POLR3E: variants seen among roughly 807,000 people sequenced by gnomAD.
The protein encoded by POLR3E is RNA polymerase III subunit E.
A neutral mutation model predicts 96.6 loss-of-function variants in POLR3E; 41 were observed. The observed-to-expected ratio is 0.42, with a 90% CI of 0.33 to 0.55. POLR3E has a LOEUF of 0.55. POLR3E is among the 20% of genes least tolerant of loss of function. POLR3E has a pLI of 0.06. For missense variants in POLR3E, 849 were observed against 952.1 expected (o/e 0.89, Z 1.43); for synonymous variants, 396 against 383.6 (o/e 1.03, Z -0.38).
At chr16:22,332,278 A>C in intron 20 of POLR3E, 93 bp downstream of exon 20, 1 of 1,185,312 alleles carries the variant, frequency 8.4e-7, no homozygotes, top group Non-Finnish European at 1.2e-6. Context: ...GTGTATATGA[A>C]ATCAGGCTTC....
chr16:22,314,191 G>T, intron 8 of POLR3E, 63 bp downstream of exon 8: 1 of 1,313,068 alleles, frequency 7.6e-7, no homozygotes, highest in South Asian at 1.2e-5. Flanking sequence ...AGAGACCAAG[G>T]GGTAGCGGGT....
chr16:22,324,099 G>A (rs1029316228), intron 14 of POLR3E, among the ~76,000 whole-genome samples: 38 of 152,128 alleles, frequency 2.5e-4, no homozygotes, highest in Admixed American at 1.9e-3. Flanking sequence ...CCCAGGGAGC[G>A]CTGTGGTCTA....
In POLR3E at chr16:22,300,522, A is replaced by G. The variant is rs535265871; in HGVS notation, c.-38-2409A>G. Among the ~76,000 whole-genome samples, 4 of 152,210 alleles carry G rather than the reference A, an allele frequency of 2.6e-5. No homozygotes were observed. In the East Asian group the frequency reaches 7.7e-4, roughly 29 times the overall value. On this transcript the variant is annotated intron_variant, in intron 1 of 20. Coordinates refer to ENST00000299853, the MANE Select transcript of POLR3E (RefSeq NM_018119.4). ...AAGAAAGAACAATTGCGTCTTGGGAACCTCCCAGGCCCCAGCCTCTCAGTT... is the reference window on the plus strand; with the variant it reads ...AAGAAAGAACAATTGCGTCTTGGGAGCCTCCCAGGCCCCAGCCTCTCAGTT...
rs146010793 is a variant in POLR3E, at chr16:22,321,994, C to T, written c.987-856C>T. Among the ~76,000 whole-genome samples the T allele has an allele frequency of 1.4e-3, 211 of 152,316 alleles. 1 individual carries two copies. Among genetic ancestry groups the T allele is most frequent in the Non-Finnish European group, 2.5e-3 (171 of 68,024 alleles). On this transcript the variant is annotated intron_variant, in intron 13 of 20. Transcript: ENST00000299853. ...ATTCAGACACTGCCCCTGGGGATGG[C>T]GGCTGTTACATTTGAGCTCCCTGAA...
intron 19 of POLR3E, 123 bp downstream of exon 19, chr16:22,328,710 GT>G (rs1370352121): frequency 1.3e-6 from 1 of 770,846 alleles, no homozygotes; most frequent in African/African-American, 1.7e-5. Context: ...GGCACACTCG[GT>G]TTTAAATATC....
rs527761933 is a variant in POLR3E at position 22,322,646 on chromosome 16, G to A, written c.987-204G>A. 1.4e-4 allele frequency among the ~76,000 whole-genome samples: 22 copies of A among 152,238 alleles called. No homozygotes were observed. The highest frequency in any genetic ancestry group is 2.5e-4 in the Non-Finnish European group (17 of 68,002). On this transcript the variant is annotated intron_variant, in intron 13 of 20. Coordinates refer to ENST00000299853, the MANE Select transcript of POLR3E (RefSeq NM_018119.4). This position sits in a 1 kb window ranked among gnomAD's most constrained non-coding sequence, Gnocchi z 5.2. ...GCGGGTTGAGGGGTAATAAGAGGAA[G>A]AACTGGGGGGATGTGTGGGGTAGAG...
Position 22,309,388 on chromosome 16 carries a change from G to A in POLR3E, c.282-40G>A, listed in dbSNP as rs747393629. On this transcript the variant is annotated intron_variant, in intron 5 of 20. Coordinates refer to ENST00000299853, the MANE Select transcript of POLR3E (RefSeq NM_018119.4). ...CTGTGGCCACAGGCCCTGGCTCGGA[G>A]CTGCCTTCCCCTGTGACGTTGCTTC... 11 of 1,469,146 alleles carry A rather than the reference G, an allele frequency of 7.5e-6. No homozygotes were observed. The African/African-American group carries it at 1.2e-4, about 17-fold the overall frequency. The allele number at this position is 1,469,146 out of a possible 1,614,324, so 91.0% of individuals were successfully genotyped here.
intron 13 of POLR3E, among the ~76,000 whole-genome samples, chr16:22,320,064 A>G (rs2048438362): frequency 6.6e-6 from 1 of 152,116 alleles, no homozygotes; most frequent in African/African-American, 2.4e-5. Flanking sequence ...TACATTCATG[A>G]CTTAACACAT....
At chr16:22,314,010 C>CG in intron 7 of POLR3E, 69 bp from the exon 8 acceptor site, 4 of 1,371,096 alleles carry the variant, frequency 2.9e-6, no homozygotes, top group Admixed American at 3.4e-5. Context: ...GCTTCCCTGG[C>CG]GGGTGGGGTT....
chr16:22,322,912 G>A lies in POLR3E; in HGVS notation c.1049G>A (p.Cys350Tyr), dbSNP rs767132871. The change falls in exon 14 of 21, where the codon TGC (cysteine) becomes TAC (tyrosine). Residue 350 changes from cysteine to tyrosine, a missense_variant. Cys to Tyr is a radical substitution (Grantham distance 194). Transcript: ENST00000299853. This position sits in a 1 kb window ranked among gnomAD's most constrained non-coding sequence, Gnocchi z 5.2. ...AGCGGCGTGCCTGCTGAGGTGCTCT[G>A]CAGGGGCCGAGACTTCGTTGTAAGT... ...PHSGVPAEVL[C>Y]RGRDFVMWKF... 1 of 1,612,872 alleles carries A rather than the reference G, an allele frequency of 6.2e-7. No homozygotes were observed. The highest frequency in any genetic ancestry group is 1.1e-5 in the South Asian group (1 of 90,996).
chr16:22,332,023 C>T (rs755705035), intron 19 of POLR3E, 37 bp from the exon 20 acceptor site: 8 of 1,600,902 alleles, frequency 5.0e-6, no homozygotes, highest in Non-Finnish European at 6.8e-6. Flanking sequence ...CTTTTTAGAT[C>T]ACTGTTTCCC....
chr16:22,330,853 T>A (rs560801376), intron 19 of POLR3E, among the ~76,000 whole-genome samples: 3 of 152,182 alleles, frequency 2.0e-5, no homozygotes, highest in Non-Finnish European at 4.4e-5. Flanking sequence ...CCTCTTAATG[T>A]TTGCAGAAAG....
In POLR3E at chr16:22,326,149, C is replaced by T. The variant is rs376524151; in HGVS notation, c.1737C>T (p.Ser579=). The T allele has an allele frequency of 2.2e-5, 35 of 1,613,880 alleles. No individual in the cohort carries two copies. The highest frequency in any genetic ancestry group is 3.3e-5 in the Admixed American group (2 of 60,008). The part of the protein sequence containing the change: ...TFQRQFVLTL[S]ELKRLFNLHL... ...AGAGACAGTTTGTGCTCACGCTGAG[C>T]GAACTCAAGCGCCTCTTCAATCTGC... The change falls in exon 18 of 21, where the codon AGC becomes AGT. Residue 579 remains serine, a synonymous_variant. Transcript: ENST00000299853.
chr16:22,310,622 T>TAAAAAA (rs60232148), intron 6 of POLR3E, among the ~76,000 whole-genome samples: 1 of 137,638 alleles, frequency 7.3e-6, no homozygotes. Context: ...TTAAAAAGTT[T>TAAAAAA]AAAAAAAAAA....
chr16:22,316,629 AC>A lies in POLR3E; in HGVS notation c.673del (p.Leu225CysfsTer22). 1 of 1,614,026 alleles carries A rather than the reference AC, an allele frequency of 6.2e-7. No homozygotes were observed. Among genetic ancestry groups the A allele is most frequent in the Non-Finnish European group, 8.5e-7 (1 of 1,179,928 alleles). ...RDSRSEHERQ[Y>X]LLCPGSSGVE... ...AGTCGCTCTGAGCATGAGCGTCAGT[AC>A]CTGCTGTGCCCCGGCTCAAGCGGGG... On this transcript the variant is annotated frameshift_variant, in exon 10 of 21. Coordinates refer to ENST00000299853, the MANE Select transcript of POLR3E (RefSeq NM_018119.4). LOFTEE classifies it high-confidence loss of function.
intron 4 of POLR3E, 57 bp from the exon 5 acceptor site, chr16:22,308,868 C>T (rs1307124519): frequency 8.2e-7 from 1 of 1,217,978 alleles, no homozygotes; most frequent in Non-Finnish European, 1.2e-6. Context: ...TGGGGTGTCC[C>T]TTGAGGAGCC....
rs1486408278 is a variant in POLR3E at position 22,328,549 on chromosome 16, G to GTGTT, written c.1909_1912dup (p.Ala638ValfsTer11). 1 of 1,614,136 alleles carries GTGTT rather than the reference G, an allele frequency of 6.2e-7. No individual in the cohort carries two copies. ...TGCTGCTTCCCCGGATGAGCAGAAG[G>GTGTT]TGTTTGCCCTCTGGGAGTCTGGAGA... is the stretch of plus-strand genomic sequence containing the variant. On this transcript the variant is annotated frameshift_variant, in exon 19 of 21. Transcript: ENST00000299853. LOFTEE classifies it high-confidence loss of function.
At chr16:22,299,120 A>G in intron 1 of POLR3E, 1 of 449,180 alleles carries the variant, frequency 2.2e-6, no homozygotes, top group Non-Finnish European at 4.5e-6. Flanking sequence ...GGAGGCTTTT[A>G]AAATAGGGTG....
At chr16:22,314,237 G>T in intron 8 of POLR3E, 109 bp downstream of exon 8, 1 of 848,742 alleles carries the variant, frequency 1.2e-6, no homozygotes, top group Non-Finnish European at 2.0e-6. Context: ...CAGGGCCCAT[G>T]CTTTTGAGCC....
Sources: allele counts gnomAD v4.1 joint callset (sites outside exome capture counted in the v4.1 genomes callset), GRCh38; gene constraint gnomAD v4.1.1; non-coding constraint Gnocchi (gnomAD v3.1); transcripts MANE v1.5; gene names NCBI Gene and HGNC (gene_info 2026-07-23, HGNC 2026-07-21).